TSPAN11: variants seen among roughly 807,000 people sequenced by gnomAD.
The protein encoded by TSPAN11 is tetraspanin 11.
A neutral mutation model predicts 32.9 loss-of-function variants in TSPAN11; 29 were observed. That is an observed-to-expected ratio of 0.88 (90% CI 0.66 to 1.20). The LOEUF is 1.20. Among genes scored for constraint, TSPAN11 ranks in the 50% most tolerant of loss-of-function variants. The pLI, the probability that TSPAN11 is intolerant of heterozygous loss-of-function variation, is 0.00. For missense variants in TSPAN11, 283 were observed against 329.1 expected (o/e 0.86, Z 1.08); for synonymous variants, 140 against 141.3 (o/e 0.99, Z 0.07).
At chr12:31,006,443 C>A in the TSPAN11 span, among the ~76,000 whole-genome samples, 1 of 152,240 alleles carries the variant, frequency 6.6e-6, no homozygotes, top group Non-Finnish European at 1.5e-5. Flanking sequence ...AAACCCACAT[C>A]GAAATTTGAG....
intron 1 of TSPAN11, among the ~76,000 whole-genome samples, chr12:30,940,684 T>C (rs548821401): frequency 3.3e-5 from 5 of 152,320 alleles, no homozygotes; most frequent in African/African-American, 9.6e-5. Flanking sequence ...TTTCCTCTTC[T>C]GTAACATGCG....
intron 3 of TSPAN11, among the ~76,000 whole-genome samples, chr12:30,971,703 T>TTG (rs1321659976): frequency 6.6e-6 from 1 of 152,028 alleles, no homozygotes; most frequent in Non-Finnish European, 1.5e-5. Flanking sequence ...TGAGCCATGA[T>TTG]TGTACCACTG....
intron 2 of TSPAN11, among the ~76,000 whole-genome samples, chr12:30,959,795 A>AC (rs59879881): frequency 0.15 from 21,366 of 143,124 alleles, 2,225 homozygotes; most frequent in African/African-American, 0.27. Context: ...AAAAAAAAAA[A>AC]AAAACCGAGG....
chr12:31,005,447 A>ATC, the TSPAN11 span, among the ~76,000 whole-genome samples: 1 of 152,182 alleles, frequency 6.6e-6, no homozygotes, highest in Non-Finnish European at 1.5e-5. Flanking sequence ...ACAAAATGTC[A>ATC]GTGTGAGGAA....
Position 30,996,230 on chromosome 12 carries a change from C to T in TSPAN11, c.*4315C>T, listed in dbSNP as rs1592503440. 1 of 152,268 alleles carries T rather than the reference C, an allele frequency of 6.6e-6. No individual in the cohort carries two copies. The highest frequency in any genetic ancestry group is 2.4e-5 in the African/African-American group (1 of 41,462). The allele number at this position is 152,268 out of a possible 1,614,324, so 9.4% of individuals were successfully genotyped here. On this transcript the variant is annotated 3_prime_UTR_variant, in exon 8 of 8. Transcript: ENST00000546076. ...GGGGACAAGTTACACACCCCAGCCC[C>T]ATTTTCCCACCAACTTCTACATGCC...
At chr12:30,964,313 A>G (rs1040730746) in intron 3 of TSPAN11, among the ~76,000 whole-genome samples, 3 of 143,256 alleles carry the variant, frequency 2.1e-5, no homozygotes, top group Non-Finnish European at 4.6e-5. Context: ...TTCTTCTCCT[A>G]TTCTTCCTGG....
chr12:31,010,936 T>A, the TSPAN11 span, among the ~76,000 whole-genome samples: 1 of 150,856 alleles, frequency 6.6e-6, no homozygotes, highest in Admixed American at 6.6e-5. Context: ...AACAGAGGGG[T>A]TAGGAGAGCA....
At chr12:30,965,284 A>G (rs1938706406) in intron 3 of TSPAN11, among the ~76,000 whole-genome samples, 1 of 152,196 alleles carries the variant, frequency 6.6e-6, no homozygotes, top group Non-Finnish European at 1.5e-5. Flanking sequence ...CAGGGCCTTC[A>G]GCCTAGCCTC....
chr12:30,991,642 G>C (rs917877016), intron 7 of TSPAN11, among the ~76,000 whole-genome samples: 4 of 152,144 alleles, frequency 2.6e-5, no homozygotes, highest in African/African-American at 9.7e-5. Context: ...GGCAGAATGT[G>C]GTTCCCCCAG....
intron 1 of TSPAN11, among the ~76,000 whole-genome samples, chr12:30,928,322 C>A (rs1256228773): frequency 6.6e-6 from 1 of 152,166 alleles, no homozygotes; most frequent in East Asian, 1.9e-4. Context: ...CAGTAAGGAG[C>A]ACCCTTCACA....
At chr12:30,970,077 A>C (rs1328233241) in intron 3 of TSPAN11, among the ~76,000 whole-genome samples, 1 of 152,068 alleles carries the variant, frequency 6.6e-6, no homozygotes, top group Non-Finnish European at 1.5e-5. Flanking sequence ...AGGCTGTACT[A>C]TCTCTCCCAC....
chr12:30,977,557 A>G (rs183932469), intron 3 of TSPAN11, among the ~76,000 whole-genome samples: 2 of 149,402 alleles, frequency 1.3e-5, no homozygotes, highest in East Asian at 3.9e-4. Context: ...TCTCTTCTCT[A>G]TTCTCTCTCC....
chr12:30,938,599 A>G (rs1429345640), intron 1 of TSPAN11, among the ~76,000 whole-genome samples: 4 of 152,146 alleles, frequency 2.6e-5, no homozygotes, highest in East Asian at 1.9e-4. Context: ...AGGGGCAGCC[A>G]TTCTCATGGG....
chr12:30,987,635 C>T, intron 7 of TSPAN11, among the ~76,000 whole-genome samples: 1 of 152,054 alleles, frequency 6.6e-6, no homozygotes, highest in East Asian at 1.9e-4. Context: ...GCCTGGGCTC[C>T]CCGCAGCAAA....
chr12:30,964,782 C>T (rs1938694504), intron 3 of TSPAN11, among the ~76,000 whole-genome samples: 1 of 152,230 alleles, frequency 6.6e-6, no homozygotes, highest in Non-Finnish European at 1.5e-5. Context: ...CAAGCAGTTT[C>T]ACATCTTCCC....
chr12:30,975,692 C>T lies in TSPAN11; in HGVS notation c.277-2869C>T, dbSNP rs1170736035. On this transcript the variant is annotated intron_variant, in intron 3 of 7. Transcript: ENST00000546076. The surrounding 1 kb of genome is among the most constrained non-coding windows in gnomAD (Gnocchi z 4.5). ...TCAATAGTAACTGGGGCAGTGGCTT[C>T]CCCCGAGAAGTGGCGTGACACTGCC... is the stretch of plus-strand genomic sequence containing the variant. Among the ~76,000 whole-genome samples, 1 of 152,214 alleles carries T rather than the reference C, an allele frequency of 6.6e-6. No homozygotes were observed. The highest frequency in any genetic ancestry group is 1.9e-4 in the East Asian group (1 of 5,164).
chr12:30,967,111 AGCTTT>A (rs1938749197), intron 3 of TSPAN11, among the ~76,000 whole-genome samples: 1 of 152,228 alleles, frequency 6.6e-6, no homozygotes, highest in African/African-American at 2.4e-5. Context: ...GGGAAGCCTA[AGCTTT>A]AGCACCTGAC....
chr12:31,002,210 G>A, the TSPAN11 span, among the ~76,000 whole-genome samples: 6 of 152,070 alleles, frequency 3.9e-5, no homozygotes, highest in African/African-American at 9.7e-5. This position sits in a 1 kb window ranked among gnomAD's most constrained non-coding sequence, Gnocchi z 4.8. Flanking sequence ...GGGACATGGC[G>A]GCTGCAGGAT....
At chr12:30,962,290 A>G (rs1442060452) in intron 2 of TSPAN11, among the ~76,000 whole-genome samples, 1 of 152,192 alleles carries the variant, frequency 6.6e-6, no homozygotes, top group South Asian at 2.1e-4. Flanking sequence ...AAGAAATAGT[A>G]TCTATTAAAA....
Sources: gnomAD v4.1 joint callset for allele counts (sites outside exome capture counted in the v4.1 genomes callset) on GRCh38, gnomAD v4.1.1 for gene constraint, Gnocchi (gnomAD v3.1) non-coding constraint, MANE v1.5 for transcripts, NCBI Gene and HGNC (gene_info 2026-07-23, HGNC 2026-07-21) for gene names.